Variants in WWTR1 observed in about 807,000 individuals in gnomAD.
The protein encoded by WWTR1 is WW domain containing transcription regulator 1, also known as WW domain-containing transcription regulator protein 1.
WWTR1 carries 13 observed loss-of-function variants against 40.1 expected under a neutral mutation model. The observed-to-expected ratio is 0.32, with a 90% confidence interval of 0.21 to 0.52. The LOEUF (loss-of-function observed/expected upper bound fraction) is 0.52, where lower values mean the gene tolerates loss of function less well. WWTR1 is among the 20% of genes least tolerant of loss of function. The pLI, the probability that WWTR1 is intolerant of heterozygous loss-of-function variation, is 0.97. For missense variants in WWTR1, 436 were observed against 523.1 expected (o/e 0.83, Z 1.63); for synonymous variants, 230 against 210.1 (o/e 1.09, Z -0.82).
At chr3:149,641,728 C>A (rs1338980907) in intron 2 of WWTR1, among the ~76,000 whole-genome samples, 1 of 152,186 alleles carries the variant, frequency 6.6e-6, no homozygotes, top group African/African-American at 2.4e-5. Flanking sequence ...CATAATGACC[C>A]TACATTCTGC....
At chr3:149,666,259 C>T (rs563508541) in intron 2 of WWTR1, among the ~76,000 whole-genome samples, 56 of 152,234 alleles carry the variant, frequency 3.7e-4, no homozygotes, top group African/African-American at 1.1e-3. Flanking sequence ...ACTTTTCATG[C>T]CTGGTCAAAA....
intron 2 of WWTR1, among the ~76,000 whole-genome samples, chr3:149,623,017 GC>G (rs1409025306): frequency 6.6e-6 from 1 of 152,114 alleles, no homozygotes; most frequent in Non-Finnish European, 1.5e-5. Flanking sequence ...TAATTCCATT[GC>G]TAAGAACAAA....
intron 1 of WWTR1, among the ~76,000 whole-genome samples, chr3:149,680,546 A>G (rs1053835688): frequency 2.7e-5 from 4 of 148,700 alleles, no homozygotes; most frequent in Admixed American, 1.4e-4. Context: ...CCTGTCTCAA[A>G]AAAAACCAAC....
At chr3:149,643,492 G>A (rs764873460) in intron 2 of WWTR1, among the ~76,000 whole-genome samples, 1 of 152,112 alleles carries the variant, frequency 6.6e-6, no homozygotes, top group Non-Finnish European at 1.5e-5. Flanking sequence ...TTATAACTTA[G>A]CTCAGTTAGT....
chr3:149,526,982 G>A lies in WWTR1; in HGVS notation c.905+854C>T, dbSNP rs572537670. ...ATTATTTTAAACTCACATAGAAGAC[G>A]CAACAAGAGTACAGAGCGTTCCCAT... On this transcript the variant is annotated intron_variant, in intron 5 of 6. Transcript: ENST00000360632. Among the ~76,000 whole-genome samples the A allele has an allele frequency of 1.3e-4, 20 of 152,172 alleles. No individual in the cohort carries two copies. The South Asian group carries it at 3.9e-3, about 30-fold the overall frequency.
intron 2 of WWTR1, among the ~76,000 whole-genome samples, chr3:149,599,620 T>A (rs779089836): frequency 4.6e-5 from 7 of 152,146 alleles, no homozygotes; most frequent in Admixed American, 3.9e-4. Context: ...TGGTGTTGAG[T>A]GGAAATAAGA....
At chr3:149,571,704 C>A (rs1737640593) in intron 3 of WWTR1, among the ~76,000 whole-genome samples, 1 of 152,188 alleles carries the variant, frequency 6.6e-6, no homozygotes. Flanking sequence ...AATAACGCTT[C>A]CATTTTTATC....
chr3:149,523,451 T>C (rs1184088146), intron 6 of WWTR1, among the ~76,000 whole-genome samples: 2 of 152,182 alleles, frequency 1.3e-5, no homozygotes, highest in African/African-American at 4.8e-5. Flanking sequence ...TTTCTCCATG[T>C]TGGTCAGGCT....
intron 3 of WWTR1, among the ~76,000 whole-genome samples, chr3:149,551,881 T>C (rs1736629377): frequency 6.9e-6 from 1 of 145,946 alleles, no homozygotes; most frequent in Non-Finnish European, 1.5e-5. Context: ...TGTCAGTGTG[T>C]CCTCCTTGGA....
At position 149,676,287 on chromosome 3, in the gene WWTR1, T is replaced by A. The variant is rs115966983; in HGVS notation, c.-107-6396A>T. Among the ~76,000 whole-genome samples, 933 of 152,288 alleles carry A rather than the reference T, an allele frequency of 6.1e-3. 4 individuals carry two copies. The highest frequency in any genetic ancestry group is 0.022 in the African/African-American group (904 of 41,550). ...AAGAGACAAAAAAAATCTTCAGTAT[T>A]GATTCTTTATCAGCAAAATTTAGTA... On this transcript the variant is annotated intron_variant, in intron 1 of 7. Coordinates refer to the WWTR1 transcript ENST00000465804.
intron 1 of WWTR1, among the ~76,000 whole-genome samples, chr3:149,693,882 G>T (rs530752046): frequency 2.0e-5 from 3 of 152,144 alleles, no homozygotes; most frequent in African/African-American, 7.2e-5. Flanking sequence ...AATATAAATG[G>T]ATTAAAGACT....
chr3:149,664,462 G>C (rs1221731106), intron 2 of WWTR1, among the ~76,000 whole-genome samples: 1 of 152,046 alleles, frequency 6.6e-6, no homozygotes, highest in Non-Finnish European at 1.5e-5. Flanking sequence ...AAAATAATTG[G>C]TGCTGCCACT....
intron 1 of WWTR1, among the ~76,000 whole-genome samples, chr3:149,689,661 GA>G (rs1714758159): frequency 6.6e-6 from 1 of 152,084 alleles, no homozygotes; most frequent in Admixed American, 6.6e-5. Context: ...ACATGAAGGA[GA>G]AATAAAGACT....
In WWTR1 at chr3:149,648,549, G is replaced by A. The variant is rs987866216; in HGVS notation, c.431+8327C>T. On this transcript the variant is annotated intron_variant, in intron 2 of 6. Coordinates refer to ENST00000360632, the MANE Select transcript of WWTR1 (RefSeq NM_015472.6). ...ATCCAGAGTGGGAGCTGCAAGTTGG[G>A]GAAAAGTTCCTGCAGGATGTGGCAT... Among the ~76,000 whole-genome samples, 6 of 152,178 alleles carry A rather than the reference G, an allele frequency of 3.9e-5. 1 individual carries two copies. Among genetic ancestry groups the A allele is most frequent in the South Asian group, 4.1e-4 (2 of 4,828 alleles).
At chr3:149,720,423 G>A (rs1176305340) in intron 4 of WWTR1, among the ~76,000 whole-genome samples, 1 of 151,964 alleles carries the variant, frequency 6.6e-6, no homozygotes, top group African/African-American at 2.4e-5. Flanking sequence ...AAAATCATTT[G>A]ACCATATATT....
At chr3:149,555,057 A>G (rs1413020542) in intron 3 of WWTR1, among the ~76,000 whole-genome samples, 1 of 152,182 alleles carries the variant, frequency 6.6e-6, no homozygotes, top group Non-Finnish European at 1.5e-5. Flanking sequence ...GTCAGTAGAG[A>G]GTTTATTGTA....
At position 149,518,536 on chromosome 3, in the gene WWTR1, C is replaced by T. The variant is rs1483438070; in HGVS notation, c.*2269G>A. 1 of 151,886 alleles carries T rather than the reference C, an allele frequency of 6.6e-6. No homozygotes were observed. Among genetic ancestry groups the T allele is most frequent in the Non-Finnish European group, 1.5e-5 (1 of 67,994 alleles). 9.4% of individuals were successfully genotyped at this position (151,886 alleles called of 1,614,324 possible). A position where few individuals can be genotyped will look rare whatever the true frequency, so the allele number is the denominator to read the frequency against. ...ACAAAAGACAAAAAGAAATAGTGCT[C>T]CCTTCAATTTAGTAGCAATAAAATC... On this transcript the variant is annotated 3_prime_UTR_variant, in exon 7 of 7. Transcript: ENST00000360632.
rs572821695 is a variant in WWTR1 at position 149,633,315 on chromosome 3, C to T, written c.431+23561G>A. ...GAGGTGGGAGGATCTCTTGAGCCCA[C>T]GAGTTTGAGGTTATAGTGAGCTATG... On this transcript the variant is annotated intron_variant, in intron 2 of 6. Transcript: ENST00000360632. 6.6e-5 allele frequency among the ~76,000 whole-genome samples: 10 copies of T among 152,034 alleles called. No homozygotes were observed. In the East Asian group the frequency reaches 7.7e-4, roughly 12 times the overall value.
intron 3 of WWTR1, among the ~76,000 whole-genome samples, chr3:149,559,819 A>G (rs1455384446): frequency 6.6e-6 from 1 of 152,216 alleles, no homozygotes; most frequent in Non-Finnish European, 1.5e-5. Flanking sequence ...CCTCATACTC[A>G]TAGTTCCTTC....
Sources: allele counts gnomAD v4.1 joint callset (sites outside exome capture counted in the v4.1 genomes callset), GRCh38; gene constraint gnomAD v4.1.1; transcripts MANE v1.5; gene names NCBI Gene and HGNC (gene_info 2026-07-23, HGNC 2026-07-21).